Variants in STAB2 observed in about 807,000 individuals in gnomAD.
The protein encoded by STAB2 is stabilin-2.
A neutral mutation model predicts 338.1 loss-of-function variants in STAB2; 288 were observed. The observed-to-expected ratio is 0.85, with a 90% CI of 0.77 to 0.94. The LOEUF (loss-of-function observed/expected upper bound fraction) is 0.94, where lower values mean the gene tolerates loss of function less well. STAB2 is among the 40% of genes least tolerant of loss of function. The probability of loss-of-function intolerance (pLI) is 0.00; values close to 1 mark genes in which losing one functional copy is unlikely to be tolerated. For synonymous variants in STAB2, 1,202 were observed against 1,193.3 expected (o/e 1.01, Z -0.15); for missense variants, 3,141 against 3,210.1 (o/e 0.98, Z 0.52).
intron 53 of STAB2, 68 bp downstream of exon 53, chr12:103,737,848 T>C: frequency 6.3e-7 from 1 of 1,586,010 alleles, no homozygotes; most frequent in Non-Finnish European, 8.6e-7. Flanking sequence ...TGATCCAGTG[T>C]GGACCCTGTT....
chr12:103,655,662 A>G (rs1874127657), intron 15 of STAB2, 81 bp downstream of exon 15: 2 of 1,548,330 alleles, frequency 1.3e-6, no homozygotes, highest in Non-Finnish European at 1.7e-6. Context: ...TTCCTAAACT[A>G]GAGATAGTAA....
intron 51 of STAB2, among the ~76,000 whole-genome samples, chr12:103,733,597 G>T (rs779280588): frequency 6.6e-6 from 1 of 152,068 alleles, no homozygotes; most frequent in African/African-American, 2.4e-5. Context: ...ATCAATTGTG[G>T]CCCCTGAACT....
chr12:103,714,415 C>T (rs1405474206), intron 42 of STAB2, among the ~76,000 whole-genome samples: 4 of 152,164 alleles, frequency 2.6e-5, no homozygotes, highest in African/African-American at 4.8e-5. Flanking sequence ...AACATTTAGC[C>T]CTGGCTGGGC....
At chr12:103,680,833 T>A (rs989305852) in intron 25 of STAB2, among the ~76,000 whole-genome samples, 3 of 152,194 alleles carry the variant, frequency 2.0e-5, no homozygotes, top group Non-Finnish European at 4.4e-5. Context: ...AGAGAACAGA[T>A]GCTAGCCAGA....
At chr12:103,742,300 T>C (rs1230560130) in intron 55 of STAB2, 105 bp from the exon 56 acceptor site, 10 of 1,462,634 alleles carry the variant, frequency 6.8e-6, no homozygotes, top group Non-Finnish European at 9.3e-6. Context: ...AAGGCGATGG[T>C]CCCTCTGGGC....
intron 63 of STAB2, 153 bp from the exon 64 acceptor site, chr12:103,758,017 G>A (rs947334732): frequency 2.2e-5 from 24 of 1,114,446 alleles, no homozygotes; most frequent in African/African-American, 4.7e-5. Context: ...ACTCTCCCAC[G>A]GCGCAGGCAG....
In STAB2 at chr12:103,703,803, G is replaced by A. The variant is rs60454794; in HGVS notation, c.3843+527G>A. Among the ~76,000 whole-genome samples, 168 of 152,272 alleles carry A rather than the reference G, an allele frequency of 1.1e-3. 2 individuals carry two copies. Among genetic ancestry groups the A allele is most frequent in the African/African-American group, 3.7e-3 (154 of 41,564 alleles). ...TTCAACAATAATTATAACCACTGACGTTTATCGGACACTCGTTATATGCCG... is the reference window on the plus strand; with the variant it reads ...TTCAACAATAATTATAACCACTGACATTTATCGGACACTCGTTATATGCCG... On this transcript the variant is annotated intron_variant, in intron 35 of 68. Coordinates refer to ENST00000388887, the MANE Select transcript of STAB2 (RefSeq NM_017564.10).
chr12:103,692,783 C>T (rs1878060882), intron 30 of STAB2, 29 bp from the exon 31 acceptor site: 2 of 1,591,664 alleles, frequency 1.3e-6, no homozygotes, highest in Middle Eastern at 1.7e-4. Flanking sequence ...TATAAAGACT[C>T]ATCTTCCCAC....
At position 103,616,371 on chromosome 12, in the gene STAB2, A is replaced by G. The variant is rs189369776; in HGVS notation, c.332-4097A>G. Among the ~76,000 whole-genome samples, 459 of 152,320 alleles carry G rather than the reference A, an allele frequency of 3.0e-3. 3 individuals are homozygous for G. Among genetic ancestry groups the G allele is most frequent in the Non-Finnish European group, 4.2e-3 (289 of 68,014 alleles). The stretch of plus-strand genomic sequence containing the variant: ...CAGGGAAAGGGTCTTTGAAGGTGGG[A>G]AAAGCACAAGTAAGGAATGGAGAGA... On this transcript the variant is annotated intron_variant, in intron 3 of 68. Coordinates refer to ENST00000388887, the MANE Select transcript of STAB2 (RefSeq NM_017564.10).
At chr12:103,624,874 G>C (rs1242156326) in intron 5 of STAB2, among the ~76,000 whole-genome samples, 1 of 150,174 alleles carries the variant, frequency 6.7e-6, no homozygotes, top group South Asian at 2.1e-4. Flanking sequence ...GGAGTCTGAG[G>C]TTGCAGTGAG....
At chr12:103,734,339 A>G (rs1179753606) in intron 51 of STAB2, among the ~76,000 whole-genome samples, 1 of 151,584 alleles carries the variant, frequency 6.6e-6, no homozygotes, top group East Asian at 1.9e-4. Flanking sequence ...GCATGATCAC[A>G]TGGGAGCATG....
At chr12:103,685,453 TGCGC>T (rs1555238675) in intron 27 of STAB2, among the ~76,000 whole-genome samples, 51 of 113,662 alleles carry the variant, frequency 4.5e-4, no homozygotes, top group South Asian at 2.3e-3. Context: ...TGTGTGTGTG[TGCGC>T]GTGCGTGTGT....
In STAB2 at chr12:103,637,898, T is replaced by G. The variant is rs1018738653; in HGVS notation, c.710-118T>G. On this transcript the variant is annotated intron_variant, in intron 7 of 68. Transcript: ENST00000388887. ...GTTCAGGGGGAAATGAAAGGAAATGTTTGTCTTTGAAAACTGTGAGTTGCC... is the reference window on the plus strand; with the variant it reads ...GTTCAGGGGGAAATGAAAGGAAATGGTTGTCTTTGAAAACTGTGAGTTGCC... 15 of 1,040,694 alleles carry G rather than the reference T, an allele frequency of 1.4e-5. No homozygotes were observed. The African/African-American group carries it at 2.2e-4, about 15-fold the overall frequency. 64.5% of individuals were successfully genotyped at this position (1,040,694 alleles called of 1,614,324 possible). A position where few individuals can be genotyped will look rare whatever the true frequency, so the allele number is the denominator to read the frequency against.
At chr12:103,754,164 A>G (rs1402672373) in intron 61 of STAB2, among the ~76,000 whole-genome samples, 1 of 152,104 alleles carries the variant, frequency 6.6e-6, no homozygotes, top group African/African-American at 2.4e-5. Context: ...ACCAAGGAAT[A>G]AAGCCTTTGA....
chr12:103,705,647 A>G lies in STAB2; in HGVS notation c.3916A>G (p.Arg1306Gly). 6.2e-7 allele frequency: 1 copy of G among 1,614,122 alleles called. No individual in the cohort carries two copies. The highest frequency in any genetic ancestry group is 8.5e-7 in the Non-Finnish European group (1 of 1,179,970). ...GTKSLGNEKR[R>G]CIYTSYFMGR... The stretch of plus-strand genomic sequence containing the variant: ...TATTTCACAGGGTAATGAGAAGAGG[A>G]GATGCATCTATACCTCCTATTTCAT... The change falls in exon 37 of 69, where the codon AGA becomes GGA. Residue 1306 changes from arginine to glycine, a missense_variant. Coordinates refer to ENST00000388887, the MANE Select transcript of STAB2 (RefSeq NM_017564.10).
chr12:103,608,404 AG>A (rs1957067535), intron 3 of STAB2, among the ~76,000 whole-genome samples: 2 of 152,158 alleles, frequency 1.3e-5, no homozygotes, highest in African/African-American at 4.8e-5. Flanking sequence ...CGCCTCCCAA[AG>A]TGCTGGGATT....
chr12:103,711,160 C>G (rs1879819441), intron 39 of STAB2: 1 of 363,544 alleles, frequency 2.8e-6, no homozygotes, highest in Non-Finnish European at 4.9e-6. Flanking sequence ...GGGTACACAT[C>G]AACACCCAGA....
intron 18 of STAB2, among the ~76,000 whole-genome samples, chr12:103,664,314 T>C (rs1271126655): frequency 6.6e-6 from 1 of 152,118 alleles, no homozygotes; most frequent in African/African-American, 2.4e-5. Context: ...CGGCTAATTT[T>C]TTTGTATTTT....
intron 11 of STAB2, among the ~76,000 whole-genome samples, chr12:103,651,368 C>G (rs1289365572): frequency 7.0e-6 from 1 of 143,496 alleles, no homozygotes; most frequent in African/African-American, 2.6e-5. Flanking sequence ...AGCTGGAGTG[C>G]AGTGGCGCAA....
Sources: allele counts gnomAD v4.1 joint callset (sites outside exome capture counted in the v4.1 genomes callset), GRCh38; gene constraint gnomAD v4.1.1; transcripts MANE v1.5; gene names NCBI Gene and HGNC (gene_info 2026-07-23, HGNC 2026-07-21).